Variants in SNX10 observed in about 807,000 individuals in gnomAD.
The protein encoded by SNX10 is sorting nexin-10.
In SNX10, 25 loss-of-function variants were observed where a neutral mutation model predicts 28.5. The observed-to-expected ratio is 0.88, with a 90% CI of 0.64 to 1.22. The LOEUF (loss-of-function observed/expected upper bound fraction) is 1.22, where lower values mean the gene tolerates loss of function less well. Among genes scored for constraint, SNX10 ranks in the 50% most tolerant of loss-of-function variants. SNX10 has a pLI of 0.00. For synonymous variants in SNX10, 62 were observed against 81.4 expected (o/e 0.76, Z 1.28); for missense variants, 223 against 242.6 (o/e 0.92, Z 0.54).
At chr7:26,335,934 G>A (rs1787921102) in intron 1 of SNX10, among the ~76,000 whole-genome samples, 1 of 151,092 alleles carries the variant, frequency 6.6e-6, no homozygotes, top group African/African-American at 2.4e-5. Context: ...TAGTAGAGAC[G>A]GGGTTTCACC....
At chr7:26,292,912 G>C (rs910204845) in intron 1 of SNX10, 1 of 152,286 alleles carries the variant, frequency 6.6e-6, no homozygotes, top group African/African-American at 2.4e-5. Flanking sequence ...AACCTGGCAG[G>C]CTTCTGACTT....
chr7:26,293,929 G>A lies in SNX10; in HGVS notation c.-24+1843G>A, dbSNP rs977927721. Among the ~76,000 whole-genome samples the A allele has an allele frequency of 5.3e-5, 8 of 152,282 alleles. No homozygotes were observed. The South Asian group carries it at 6.2e-4, about 12-fold the overall frequency. On this transcript the variant is annotated intron_variant, in intron 1 of 6. Transcript: ENST00000338523. The stretch of plus-strand genomic sequence containing the variant: ...TCTACAGCAATTCTGCTGGGCTTTG[G>A]AGCAGTGGATATCTTTTCTCAGCCC...
At chr7:26,326,590 G>T (rs1019275657) in intron 1 of SNX10, among the ~76,000 whole-genome samples, 2 of 152,194 alleles carry the variant, frequency 1.3e-5, no homozygotes, top group Admixed American at 6.5e-5. Flanking sequence ...CTGGGTTCAA[G>T]TCCCAATTCT....
intron 1 of SNX10, among the ~76,000 whole-genome samples, chr7:26,330,427 T>C (rs1787696222): frequency 6.6e-6 from 1 of 151,598 alleles, no homozygotes; most frequent in Non-Finnish European, 1.5e-5. Context: ...GGGGAGCACA[T>C]GAGGATTGAG....
At chr7:26,321,557 C>A (rs1787308600) in intron 1 of SNX10, among the ~76,000 whole-genome samples, 1 of 152,202 alleles carries the variant, frequency 6.6e-6, no homozygotes, top group African/African-American at 2.4e-5. Context: ...TCCTGGCCTG[C>A]CTGCCTTGGC....
chr7:26,297,958 C>T (rs186531879), intron 1 of SNX10, among the ~76,000 whole-genome samples: 19 of 152,204 alleles, frequency 1.2e-4, no homozygotes, highest in African/African-American at 3.4e-4. Context: ...GGGCTGGGCG[C>T]GGTGGCTCAC....
intron 2 of SNX10, chr7:26,357,072 C>G (rs112616817): frequency 1.3e-5 from 16 of 1,226,358 alleles, no homozygotes; most frequent in Non-Finnish European, 1.7e-5. Context: ...TCAAGTCTTA[C>G]AAGACAGCCT....
chr7:26,350,510 AACTG>A (rs1375047057), intron 2 of SNX10, among the ~76,000 whole-genome samples: 1 of 152,222 alleles, frequency 6.6e-6, no homozygotes, highest in Admixed American at 6.5e-5. Flanking sequence ...ACTGACTGGA[AACTG>A]ACTGGTCTGG....
chr7:26,295,029 C>T (rs1786058036), intron 1 of SNX10, among the ~76,000 whole-genome samples: 1 of 152,220 alleles, frequency 6.6e-6, no homozygotes, highest in Non-Finnish European at 1.5e-5. Flanking sequence ...CTCCCAGTTT[C>T]TGCAGAAGAG....
intron 1 of SNX10, among the ~76,000 whole-genome samples, chr7:26,300,104 G>A (rs1049362615): frequency 1.3e-5 from 2 of 152,044 alleles, no homozygotes; most frequent in Admixed American, 6.6e-5. Context: ...TCAGCCACTC[G>A]GGAGGCTGAG....
At chr7:26,326,114 G>A (rs67306449) in intron 1 of SNX10, among the ~76,000 whole-genome samples, 19,407 of 152,098 alleles carry the variant, frequency 0.13, 2,705 homozygotes, top group African/African-American at 0.33. Context: ...TCAGGGTGCC[G>A]ATATTTATCT....
intron 2 of SNX10, chr7:26,354,277 G>T (rs1788730520): frequency 6.6e-6 from 1 of 152,166 alleles, no homozygotes; most frequent in Non-Finnish European, 1.5e-5. Flanking sequence ...CCATCTGTAT[G>T]CCCTATTTGG....
chr7:26,332,990 T>C (rs1480259124), intron 1 of SNX10, among the ~76,000 whole-genome samples: 1 of 152,212 alleles, frequency 6.6e-6, no homozygotes, highest in African/African-American at 2.4e-5. Flanking sequence ...TGTAGTAAGT[T>C]GAAATTGGGA....
chr7:26,329,096 A>G (rs1414656425), intron 1 of SNX10, among the ~76,000 whole-genome samples: 1 of 152,198 alleles, frequency 6.6e-6, no homozygotes, highest in Non-Finnish European at 1.5e-5. Context: ...CTGTTAAAAC[A>G]TAAGTCAGGT....
intron 2 of SNX10, among the ~76,000 whole-genome samples, chr7:26,351,645 GGTTTTTTTTTTTT>G (rs950133959): frequency 3.8e-5 from 5 of 132,548 alleles, no homozygotes; most frequent in African/African-American, 1.4e-4. Flanking sequence ...CAAGCAGTCT[GGTTTTTTTTTTTT>G]GTTTTTTTTT....
At chr7:26,317,498 T>G (rs1424230192) in intron 1 of SNX10, among the ~76,000 whole-genome samples, 1 of 152,162 alleles carries the variant, frequency 6.6e-6, no homozygotes, top group Non-Finnish European at 1.5e-5. Context: ...GCAGTTTTTA[T>G]TACTGTTGGC....
chr7:26,360,586 G>A (rs1029891101), intron 2 of SNX10: 1 of 198,690 alleles, frequency 5.0e-6, no homozygotes, highest in Non-Finnish European at 1.0e-5. Flanking sequence ...TACCCAGAAG[G>A]GCCCATTGTT....
chr7:26,310,474 A>G (rs1354026215), intron 1 of SNX10, among the ~76,000 whole-genome samples: 2 of 152,206 alleles, frequency 1.3e-5, no homozygotes, highest in Non-Finnish European at 2.9e-5. Context: ...ACTGCGACAA[A>G]GTCCGAGGAG....
chr7:26,297,869 A>G, intron 1 of SNX10, among the ~76,000 whole-genome samples: 1 of 152,142 alleles, frequency 6.6e-6, no homozygotes. Flanking sequence ...TATATATTAT[A>G]GATATATATG....
Sources: allele counts gnomAD v4.1 joint callset (sites outside exome capture counted in the v4.1 genomes callset), GRCh38; gene constraint gnomAD v4.1.1; transcripts MANE v1.5; gene names NCBI Gene and HGNC (gene_info 2026-07-23, HGNC 2026-07-21).